The following CLASP1 variants were observed in gnomAD, a reference collection of about 807,000 sequenced individuals.
The protein encoded by CLASP1 is cytoplasmic linker associated protein 1.
Under a neutral mutation model 192.3 loss-of-function variants are expected in CLASP1, and 38 were observed. The observed-to-expected ratio is 0.20, with a 90% CI of 0.15 to 0.26. The LOEUF (loss-of-function observed/expected upper bound fraction) is 0.26. Among genes scored for constraint, CLASP1 ranks in the 10% least tolerant of loss-of-function variants. CLASP1 has a pLI of 1.00. For missense variants in CLASP1, 1,433 were observed against 1,932.5 expected (o/e 0.74, Z 4.85); for synonymous variants, 691 against 712.8 (o/e 0.97, Z 0.49).
intron 1 of CLASP1, among the ~76,000 whole-genome samples, chr2:121,613,629 TAAA>T (rs34993191): frequency 2.0e-5 from 3 of 148,764 alleles, no homozygotes; most frequent in African/African-American, 7.4e-5. Context: ...CCTTTTTTTT[TAAA>T]AAAAAAAAAT....
chr2:121,445,259 C>G (rs760323150), intron 19 of CLASP1, among the ~76,000 whole-genome samples: 1 of 152,116 alleles, frequency 6.6e-6, no homozygotes, highest in Non-Finnish European at 1.5e-5. Context: ...TTAGCCAACT[C>G]TCATCCTCTT....
chr2:121,515,618 G>C (rs1213585771), intron 7 of CLASP1, 47 bp downstream of exon 7: 1 of 1,401,190 alleles, frequency 7.1e-7, no homozygotes, highest in South Asian at 1.2e-5. Flanking sequence ...AAACAAAGGG[G>C]GCGGGGGGTT....
intron 15 of CLASP1, among the ~76,000 whole-genome samples, chr2:121,451,473 T>C (rs929539611): frequency 6.6e-6 from 1 of 152,202 alleles, no homozygotes; most frequent in Non-Finnish European, 1.5e-5. Flanking sequence ...AACACTTGTC[T>C]ACTAACAGCA....
chr2:121,589,718 T>G (rs2062163149), intron 2 of CLASP1, among the ~76,000 whole-genome samples: 1 of 152,104 alleles, frequency 6.6e-6, no homozygotes, highest in South Asian at 2.1e-4. Context: ...TGATATTTAT[T>G]AGGTTATAGT....
chr2:121,403,634 C>T (rs1390291520), intron 26 of CLASP1: 2 of 435,370 alleles, frequency 4.6e-6, no homozygotes, highest in Non-Finnish European at 9.2e-6. Flanking sequence ...CTAATAGTCT[C>T]TAAGGGCCTT....
At chr2:121,384,574 A>AC (rs2072755533) in intron 32 of CLASP1, among the ~76,000 whole-genome samples, 3 of 152,102 alleles carry the variant, frequency 2.0e-5, no homozygotes, top group Admixed American at 6.6e-5. Context: ...GAAATTTTGG[A>AC]CTAAAAAAAA....
intron 2 of CLASP1, among the ~76,000 whole-genome samples, chr2:121,550,932 G>A (rs1205705083): frequency 1.3e-5 from 2 of 152,068 alleles, no homozygotes; most frequent in Non-Finnish European, 2.9e-5. Context: ...GAAACCTCAA[G>A]CCAATATCCT....
chr2:121,555,574 C>G (rs2058472454), intron 2 of CLASP1, among the ~76,000 whole-genome samples: 1 of 152,142 alleles, frequency 6.6e-6, no homozygotes, highest in Non-Finnish European at 1.5e-5. Flanking sequence ...CTACGTATTC[C>G]AATTAACTAA....
At chr2:121,591,626 G>A (rs1428496118) in intron 2 of CLASP1, among the ~76,000 whole-genome samples, 2 of 152,194 alleles carry the variant, frequency 1.3e-5, no homozygotes, top group Admixed American at 1.3e-4. Context: ...CAGCCTCGCT[G>A]GTGCACAACC....
At chr2:121,367,651 T>C in exon 35 of CLASP1, 2 of 1,613,982 alleles carry the variant, frequency 1.2e-6, no homozygotes, top group Non-Finnish European at 8.5e-7. Context: ...TTGTCGTAGG[T>C]GTTGATGGCA....
At chr2:121,444,202 A>C (rs957756101) in intron 19 of CLASP1, among the ~76,000 whole-genome samples, 1 of 152,254 alleles carries the variant, frequency 6.6e-6, no homozygotes, top group African/African-American at 2.4e-5. Flanking sequence ...AAATAGAAAG[A>C]GCTTCTTGAG....
At chr2:121,371,765 C>T (rs115555227) in intron 34 of CLASP1, among the ~76,000 whole-genome samples, 11 of 152,328 alleles carry the variant, frequency 7.2e-5, no homozygotes, top group African/African-American at 2.4e-4. Flanking sequence ...CCTAATCTCA[C>T]GTCCCCACGT....
At chr2:121,602,662 C>A (rs995597197) in intron 2 of CLASP1, among the ~76,000 whole-genome samples, 2 of 152,154 alleles carry the variant, frequency 1.3e-5, no homozygotes, top group Non-Finnish European at 2.9e-5. Context: ...CACATATCTA[C>A]GGCCAACTGA....
At chr2:121,606,021 T>C (rs2064373631) in exon 2 of CLASP1, 1 of 759,396 alleles carries the variant, frequency 1.3e-6, no homozygotes, top group Non-Finnish European at 2.1e-6. Context: ...GTTTCAAAGA[T>C]GCAATCTGGG....
At chr2:121,527,654 C>G in intron 5 of CLASP1, 145 bp downstream of exon 5, 1 of 633,006 alleles carries the variant, frequency 1.6e-6, no homozygotes, top group African/African-American at 1.8e-5. Flanking sequence ...ATTCAAGGTG[C>G]TAACACTGGG....
At chr2:121,612,357 A>G (rs2065753102) in intron 1 of CLASP1, among the ~76,000 whole-genome samples, 1 of 146,082 alleles carries the variant, frequency 6.8e-6, no homozygotes, top group South Asian at 2.3e-4. Flanking sequence ...AGGAGGAGGA[A>G]TTATAGGAGA....
At chr2:121,379,655 C>CA (rs1042998890) in intron 33 of CLASP1, among the ~76,000 whole-genome samples, 1 of 151,866 alleles carries the variant, frequency 6.6e-6, no homozygotes, top group African/African-American at 2.4e-5. Flanking sequence ...AAAAAAAATC[C>CA]AAAAAACTGA....
At chr2:121,587,120 A>G (rs2061805510) in intron 2 of CLASP1, among the ~76,000 whole-genome samples, 2 of 152,190 alleles carry the variant, frequency 1.3e-5, no homozygotes. Context: ...GCGAGCCTGT[A>G]GTCCCAGCTA....
chr2:121,439,865 C>A (rs1404539484), intron 19 of CLASP1, among the ~76,000 whole-genome samples: 1 of 142,656 alleles, frequency 7.0e-6, no homozygotes, highest in Non-Finnish European at 1.5e-5. Context: ...ATTCTCACTC[C>A]TAGGTGGGAA....
Sources: gnomAD v4.1 joint callset for allele counts (sites outside exome capture counted in the v4.1 genomes callset) on GRCh38, gnomAD v4.1.1 for gene constraint, MANE v1.5 for transcripts, NCBI Gene and HGNC (gene_info 2026-07-23, HGNC 2026-07-21) for gene names.